Variants in LINGO2 observed in about 807,000 individuals in gnomAD.
The protein encoded by LINGO2 is leucine-rich repeat and immunoglobulin-like domain-containing nogo receptor-interacting protein 2.
In LINGO2, 14 loss-of-function variants were observed where a neutral mutation model predicts 30.6. The observed-to-expected ratio is 0.46, with a 90% CI of 0.30 to 0.72. The LOEUF is 0.72. Among genes scored for constraint, LINGO2 ranks in the 30% least tolerant of loss-of-function variants. The probability of loss-of-function intolerance (pLI) is 0.07; values close to 1 mark genes in which losing one functional copy is unlikely to be tolerated. For missense variants in LINGO2, 729 were observed against 751.7 expected (o/e 0.97, Z 0.35); for synonymous variants, 317 against 288.5 (o/e 1.10, Z -1.00).
intron 3 of LINGO2, among the ~76,000 whole-genome samples, chr9:28,356,219 G>A (rs1820203854): frequency 6.6e-6 from 1 of 152,074 alleles, no homozygotes; most frequent in Non-Finnish European, 1.5e-5. Context: ...CATTACAGAT[G>A]TAGAGATTTT....
the LINGO2 span, among the ~76,000 whole-genome samples, chr9:28,695,365 A>C: frequency 6.6e-6 from 1 of 151,950 alleles, no homozygotes; most frequent in Admixed American, 6.6e-5. Flanking sequence ...AAGAGGCAGG[A>C]AAATAGGTAC....
Position 28,530,222 on chromosome 9 carries a change from T to C in LINGO2, c.-364-54197A>G, listed in dbSNP as rs73441421. On this transcript the variant is annotated intron_variant, in intron 1 of 5. Coordinates refer to ENST00000379992, the Ensembl canonical transcript of LINGO2. ...ATTCCAGACAAGTTTAATAGCACGA[T>C]GATGGTGATGATGATGACAACGAAG... is the stretch of plus-strand genomic sequence containing the variant. Among the ~76,000 whole-genome samples, 901 of 152,190 alleles carry C rather than the reference T, an allele frequency of 5.9e-3. 9 individuals are homozygous for C. Among genetic ancestry groups the C allele is most frequent in the African/African-American group, 0.02 (835 of 41,556 alleles).
At chr9:28,758,181 T>A in the LINGO2 span, among the ~76,000 whole-genome samples, 527 of 152,196 alleles carry the variant, frequency 3.5e-3, 8 homozygotes, top group African/African-American at 0.012. Flanking sequence ...TCATTACTTG[T>A]CCCACAGATA....
rs188173120 is a variant in LINGO2, at chr9:28,196,817, C to T, written c.-87+98391G>A. On this transcript the variant is annotated intron_variant, in intron 4 of 5. Transcript: ENST00000379992. ...GTCAGGTATAGAAATACAAATATCA[C>T]ATGTTCTCACTCATATGTAGGAGCC... is the stretch of plus-strand genomic sequence containing the variant. 2.4e-3 allele frequency among the ~76,000 whole-genome samples: 370 copies of T among 152,008 alleles called. 3 individuals carry two copies. The highest frequency in any genetic ancestry group is 8.0e-3 in the African/African-American group (334 of 41,526).
chr9:29,181,074 T>C, the LINGO2 span, among the ~76,000 whole-genome samples: 2 of 152,222 alleles, frequency 1.3e-5, no homozygotes, highest in Admixed American at 1.3e-4. Flanking sequence ...AAGTAACTGC[T>C]ATGTGTATTA....
At position 28,167,689 on chromosome 9, in the gene LINGO2, T is replaced by C. The variant is rs555755136; in HGVS notation, c.-87+127519A>G. On this transcript the variant is annotated intron_variant, in intron 4 of 5. Transcript: ENST00000379992. ...GGTGTGAGCCACTGCACCCCACCTA[T>C]TGTCTAATTTTTAAAGCAGTTGTTT... 1.2e-3 allele frequency among the ~76,000 whole-genome samples: 181 copies of C among 152,290 alleles called. 1 individual carries two copies. The highest frequency in any genetic ancestry group is 4.3e-3 in the African/African-American group (178 of 41,562).
chr9:28,084,060 T>G (rs1339734380), intron 4 of LINGO2, among the ~76,000 whole-genome samples: 3 of 152,184 alleles, frequency 2.0e-5, no homozygotes, highest in African/African-American at 7.2e-5. Flanking sequence ...GATGAAATAT[T>G]AATTAAAAGA....
At chr9:28,500,002 G>T (rs1394831105) in intron 1 of LINGO2, among the ~76,000 whole-genome samples, 3 of 152,184 alleles carry the variant, frequency 2.0e-5, no homozygotes, top group Non-Finnish European at 4.4e-5. Flanking sequence ...TGACACCAGA[G>T]ATTTTTCTTG....
At chr9:28,494,150 C>T (rs1462635315) in intron 1 of LINGO2, among the ~76,000 whole-genome samples, 1 of 152,052 alleles carries the variant, frequency 6.6e-6, no homozygotes, top group Non-Finnish European at 1.5e-5. Context: ...AAAAGAAATA[C>T]CGGTTTTTGC....
intron 4 of LINGO2, among the ~76,000 whole-genome samples, chr9:28,184,446 T>C (rs191880795): frequency 4.6e-5 from 7 of 152,238 alleles, no homozygotes; most frequent in Admixed American, 1.3e-4. Flanking sequence ...GGCTGCACTA[T>C]GTCTAAATTT....
At chr9:28,427,332 T>C (rs553091041) in intron 2 of LINGO2, among the ~76,000 whole-genome samples, 2 of 152,234 alleles carry the variant, frequency 1.3e-5, no homozygotes, top group East Asian at 3.9e-4. Flanking sequence ...CTCTCACACA[T>C]GTTCCTGCTT....
In LINGO2 at chr9:28,566,671, A is replaced by G. The variant is rs112892268; in HGVS notation, c.-364-90646T>C. 1.0e-3 allele frequency among the ~76,000 whole-genome samples: 154 copies of G among 152,312 alleles called. 1 individual carries two copies. Among genetic ancestry groups the G allele is most frequent in the Non-Finnish European group, 1.8e-3 (120 of 68,032 alleles). ...GTGCAATTCAAAAAAATTACATTTC[A>G]ACCTGGCTGATTGGCTAATAAAATG... On this transcript the variant is annotated intron_variant, in intron 1 of 5. Coordinates refer to ENST00000379992, the Ensembl canonical transcript of LINGO2.
At chr9:29,174,680 C>T in the LINGO2 span, among the ~76,000 whole-genome samples, 3 of 152,048 alleles carry the variant, frequency 2.0e-5, no homozygotes, top group Non-Finnish European at 4.4e-5. Flanking sequence ...ATTTGCTGAC[C>T]ATGACTAAAT....
intron 4 of LINGO2, among the ~76,000 whole-genome samples, chr9:28,068,105 C>T (rs1034783085): frequency 6.6e-6 from 1 of 152,036 alleles, no homozygotes; most frequent in East Asian, 1.9e-4. Flanking sequence ...TGATTGGATC[C>T]CCAAATTGCT....
chr9:28,584,761 G>A (rs1252692743), intron 1 of LINGO2, among the ~76,000 whole-genome samples: 3 of 151,962 alleles, frequency 2.0e-5, no homozygotes, highest in East Asian at 1.9e-4. Flanking sequence ...TACTGTTGAA[G>A]AGAGATCAGA....
chr9:27,981,923 G>A (rs1425164328), intron 5 of LINGO2, among the ~76,000 whole-genome samples: 1 of 151,852 alleles, frequency 6.6e-6, no homozygotes, highest in East Asian at 1.9e-4. Flanking sequence ...AGGTTAGTTT[G>A]AGGTTTAATC....
At chr9:28,512,586 T>G (rs1261577072) in intron 1 of LINGO2, among the ~76,000 whole-genome samples, 1 of 2,522 alleles carries the variant, frequency 4.0e-4, no homozygotes, top group Non-Finnish European at 1.3e-3. Flanking sequence ...ACAGGATATA[T>G]ATGTGTGTAT....
intron 5 of LINGO2, among the ~76,000 whole-genome samples, chr9:27,980,039 C>T (rs980838931): frequency 6.6e-6 from 1 of 151,842 alleles, no homozygotes; most frequent in Non-Finnish European, 1.5e-5. Context: ...ACTTAAGGTG[C>T]ATAGTAACTA....
At chr9:28,270,416 G>A (rs1822900044) in intron 4 of LINGO2, among the ~76,000 whole-genome samples, 1 of 151,972 alleles carries the variant, frequency 6.6e-6, no homozygotes, top group Non-Finnish European at 1.5e-5. Context: ...CCCGGGGAAA[G>A]AAAGACACTA....
Sources: gnomAD v4.1 joint callset for allele counts (sites outside exome capture counted in the v4.1 genomes callset) on GRCh38, gnomAD v4.1.1 for gene constraint, MANE v1.5 for transcripts, NCBI Gene and HGNC (gene_info 2026-07-23, HGNC 2026-07-21) for gene names.